The following SIRPB2 variants were observed in gnomAD, a reference collection of about 807,000 sequenced individuals.
The protein encoded by SIRPB2 is signal-regulatory protein beta-2.
SIRPB2 carries 18 observed loss-of-function variants against 27.1 expected under a neutral mutation model. That is an observed-to-expected ratio of 0.66 (90% CI 0.46 to 0.98). SIRPB2 has a LOEUF of 0.98. Ranked by LOEUF, SIRPB2 falls within the 50% of genes least tolerant of loss-of-function variation. The pLI is 0.00. For missense variants in SIRPB2, 420 were observed against 417.4 expected (o/e 1.01, Z -0.06); for synonymous variants, 150 against 164.6 (o/e 0.91, Z 0.68).
At chr20:1,473,936 G>C (rs938037117), downstream of SIRPB2, 2 of 452,248 alleles carry the variant, frequency 4.4e-6, no homozygotes, top group Non-Finnish European at 8.9e-6. Flanking sequence ...CTGAAATCAA[G>C]GTATTGGCAG....
intron 1 of SIRPB2, chr20:1,480,280 A>C: frequency 1.7e-6 from 1 of 582,092 alleles, no homozygotes; most frequent in Non-Finnish European, 3.0e-6. Flanking sequence ...AATAAATAAC[A>C]CTCAAGTGCT....
Position 1,476,085 on chromosome 20 carries a change from G to A in SIRPB2, c.*82C>T. Reference sequence around the variant, plus strand: ...GTCATGAGGCCTGGGGGCACCTAGAGGCTGGGACTGGAGGTAGGGAAATGG... The same window carrying A: ...GTCATGAGGCCTGGGGGCACCTAGAAGCTGGGACTGGAGGTAGGGAAATGG... On this transcript the variant is annotated 3_prime_UTR_variant, in exon 5 of 5. Coordinates refer to ENST00000359801, the MANE Select transcript of SIRPB2 (RefSeq NM_001122962.2). 1 of 1,530,418 alleles carries A rather than the reference G, an allele frequency of 6.5e-7. No homozygotes were observed. Among genetic ancestry groups the A allele is most frequent in the Non-Finnish European group, 8.9e-7 (1 of 1,126,848 alleles). The allele number at this position is 1,530,418 out of a possible 1,614,324, so 94.8% of individuals were successfully genotyped here.
chr20:1,473,802 T>C (rs2090589748), downstream of SIRPB2: 1 of 456,116 alleles, frequency 2.2e-6, no homozygotes. Context: ...CTCCAGTTAG[T>C]GGAGAACCAC....
intron 1 of SIRPB2, among the ~76,000 whole-genome samples, chr20:1,484,327 T>G (rs927533878): frequency 6.6e-6 from 1 of 152,082 alleles, no homozygotes; most frequent in African/African-American, 2.4e-5. Flanking sequence ...GTCAGGCAAC[T>G]AAGACAAAAA....
rs1462492345 is a variant in SIRPB2, at chr20:1,479,695, C to T, written c.451+5G>A. 1.2e-6 allele frequency: 2 copies of T among 1,613,344 alleles called. No individual in the cohort carries two copies. Among genetic ancestry groups the T allele is most frequent in the African/African-American group, 2.7e-5 (2 of 74,932 alleles). Reference sequence around the variant, plus strand: ...AATGTGTGGTCTGCAGGGCCTGATCCTTACCCTTCACAAGCACTGAGGTGC... The same window carrying T: ...AATGTGTGGTCTGCAGGGCCTGATCTTTACCCTTCACAAGCACTGAGGTGC... On this transcript the variant is annotated splice_donor_5th_base_variant and intron_variant, in intron 2 of 4. Coordinates refer to ENST00000359801, the MANE Select transcript of SIRPB2 (RefSeq NM_001122962.2).
chr20:1,491,259 C>T lies in SIRPB2; in HGVS notation c.85+16G>A. ...CAGCCGGGGGTGGACCCTGTTCTAT[C>T]CTAGACCCCACTTACCTGAGGGGAC... On this transcript the variant is annotated intron_variant, in intron 1 of 4. Transcript: ENST00000359801. The T allele has an allele frequency of 6.2e-7, 1 of 1,606,616 alleles. No individual in the cohort carries two copies. Among genetic ancestry groups the T allele is most frequent in the East Asian group, 2.3e-5 (1 of 44,436 alleles).
chr20:1,489,021 T>C (rs532199800), intron 1 of SIRPB2, among the ~76,000 whole-genome samples: 26 of 152,260 alleles, frequency 1.7e-4, no homozygotes, highest in African/African-American at 4.6e-4. Flanking sequence ...TGGATAGACA[T>C]GAGAAGAAAT....
Position 1,476,149 on chromosome 20 carries a change from C to G in SIRPB2, c.*18G>C. On this transcript the variant is annotated 3_prime_UTR_variant, in exon 5 of 5. Transcript: ENST00000359801. ...GCTCCTCTCCAACTCAGAGGGTCCT[C>G]ACTCTGGGGCTGACCCCTCACTCTT... 6.2e-7 allele frequency: 1 copy of G among 1,608,070 alleles called. No homozygotes were observed. The highest frequency in any genetic ancestry group is 8.5e-7 in the Non-Finnish European group (1 of 1,178,148).
chr20:1,488,467 AAACT>A (rs1275121040), intron 1 of SIRPB2, among the ~76,000 whole-genome samples: 1 of 152,144 alleles, frequency 6.6e-6, no homozygotes, highest in Non-Finnish European at 1.5e-5. Flanking sequence ...CAAAACAAAA[AAACT>A]AACCAACCAA....
chr20:1,486,461 A>G (rs531942421), intron 1 of SIRPB2, among the ~76,000 whole-genome samples: 1 of 152,150 alleles, frequency 6.6e-6, no homozygotes, highest in Admixed American at 6.5e-5. Context: ...TTTTCTAATT[A>G]TTCTATGAGT....
chr20:1,477,277 C>G, intron 4 of SIRPB2, 61 bp downstream of exon 4: 3 of 1,614,166 alleles, frequency 1.9e-6, no homozygotes, highest in Non-Finnish European at 2.5e-6. Flanking sequence ...CATGACCAAG[C>G]CATTCATGGC....
chr20:1,483,251 C>T (rs2090691801), intron 1 of SIRPB2, among the ~76,000 whole-genome samples: 1 of 152,022 alleles, frequency 6.6e-6, no homozygotes, highest in Non-Finnish European at 1.5e-5. Context: ...GGATTACAGG[C>T]ACATGACACT....
chr20:1,473,886 A>G, downstream of SIRPB2: 1 of 456,216 alleles, frequency 2.2e-6, no homozygotes, highest in Admixed American at 2.3e-5. Context: ...AATTTAAAAC[A>G]ACAGAAATTT....
chr20:1,482,682 C>T (rs1281901448), intron 1 of SIRPB2, among the ~76,000 whole-genome samples: 2 of 151,868 alleles, frequency 1.3e-5, no homozygotes, highest in Admixed American at 1.3e-4. Context: ...GTTCTCCCAC[C>T]TCAGCCTCCT....
chr20:1,488,948 C>A (rs1364605477), intron 1 of SIRPB2, among the ~76,000 whole-genome samples: 1 of 151,946 alleles, frequency 6.6e-6, no homozygotes, highest in Non-Finnish European at 1.5e-5. Context: ...TTATAATAGC[C>A]CTAAACTGCA....
At chr20:1,478,875 G>A (rs1377113554) in intron 2 of SIRPB2, among the ~76,000 whole-genome samples, 1 of 152,206 alleles carries the variant, frequency 6.6e-6, no homozygotes, top group African/African-American at 2.4e-5. Flanking sequence ...CAGTGGAGAT[G>A]GTCAAAAAAT....
rs765850323 is a variant in SIRPB2 at position 1,480,021 on chromosome 20, G to T, written c.130C>A (p.Pro44Thr). 1 of 1,613,668 alleles carries T rather than the reference G, an allele frequency of 6.2e-7. No homozygotes were observed. The highest frequency in any genetic ancestry group is 8.5e-7 in the Non-Finnish European group (1 of 1,179,848). ...SSRNDWQVLQ[P>T]EGPMLVAEGE... ...TCTGCCACCAGCATGGGGCCCTCGG[G>T]CTGTAGCACCTGCCAGTCATTCCTG... The change falls in exon 2 of 5, where the codon CCC (proline) becomes ACC (threonine). Residue 44 changes from proline to threonine, a missense_variant. Transcript: ENST00000359801.
rs963893832 is a variant in SIRPB2, at chr20:1,491,281, G to A, written c.79C>T (p.Pro27Ser). 3 of 1,610,818 alleles carry A rather than the reference G, an allele frequency of 1.9e-6. No homozygotes were observed. The highest frequency in any genetic ancestry group is 1.3e-5 in the African/African-American group (1 of 74,760). ...TATCCTAGACCCCACTTACCTGAGG[G>A]GACAAGGACCAGTGCCAGCAGCAGG... ...CFLLLALVLV[P>S]SDASGQSSRN... Residue 27 changes from proline (P) to serine (S), a missense_variant, in exon 1 of 5, where the codon CCC becomes TCC. Transcript: ENST00000359801.
At chr20:1,491,169 C>A in intron 1 of SIRPB2, 106 bp downstream of exon 1, 1 of 1,036,408 alleles carries the variant, frequency 9.6e-7, no homozygotes, top group Non-Finnish European at 1.4e-6. Flanking sequence ...CCTCTTTACT[C>A]TATCTTCATG....
Sources: allele counts gnomAD v4.1 joint callset (sites outside exome capture counted in the v4.1 genomes callset), GRCh38; gene constraint gnomAD v4.1.1; transcripts MANE v1.5; gene names NCBI Gene and HGNC (gene_info 2026-07-23, HGNC 2026-07-21).